Variants in PLEKHG6 observed in about 807,000 individuals in gnomAD.
PLEKHG6 encodes pleckstrin homology domain-containing family G member 6.
In PLEKHG6, 91 loss-of-function variants were observed where a neutral mutation model predicts 97.5. The ratio of observed to expected loss-of-function variants is 0.93; its 90% confidence interval spans 0.79 to 1.11. The LOEUF (loss-of-function observed/expected upper bound fraction) is 1.11, where lower values mean the gene tolerates loss of function less well. Among genes scored for constraint, PLEKHG6 ranks in the 50% most tolerant of loss-of-function variants. The probability of loss-of-function intolerance (pLI) is 0.00; values close to 1 mark genes in which losing one functional copy is unlikely to be tolerated. For synonymous variants in PLEKHG6, 466 were observed against 425.5 expected (o/e 1.10, Z -1.17); for missense variants, 1,044 against 1,031.0 (o/e 1.01, Z -0.17).
chr12:6,327,498 C>CCA lies in PLEKHG6; in HGVS notation c.1915_1916insCA (p.Gln639ProfsTer17). ...TCTGCGTCCCCACCCTCCCGACCCC[C>CCA]AAGCTCCTCAACGCCGAAGCGCCCC... On this transcript the variant is annotated frameshift_variant, in exon 15 of 16. Coordinates refer to ENST00000684764, the MANE Select transcript of PLEKHG6 (RefSeq NM_001384598.1). LOFTEE classifies it high-confidence loss of function. The CCA allele has an allele frequency of 6.2e-7, 1 of 1,609,924 alleles. No homozygotes were observed. Among genetic ancestry groups the CCA allele is most frequent in the Non-Finnish European group, 8.5e-7 (1 of 1,177,570 alleles).
rs568049575 is a variant in PLEKHG6, at chr12:6,317,416, G to T, written c.867+3G>T. ...CTCTCTTCCATGCCTTCGTGCAGGT[G>T]GGAGAAGGGGTGCTGGGGAGGGGGA... is the stretch of plus-strand genomic sequence containing the variant. On this transcript the variant is annotated splice_donor_region_variant and intron_variant, in intron 8 of 15. Coordinates refer to ENST00000684764, the MANE Select transcript of PLEKHG6 (RefSeq NM_001384598.1). 127 of 1,612,136 alleles carry T rather than the reference G, an allele frequency of 7.9e-5. No individual in the cohort carries two copies. In the East Asian group the frequency reaches 2.7e-3, roughly 35 times the overall value.
chr12:6,326,949 AAAG>A (rs1310389169), intron 14 of PLEKHG6, among the ~76,000 whole-genome samples: 1 of 152,128 alleles, frequency 6.6e-6, no homozygotes, highest in Non-Finnish European at 1.5e-5. Flanking sequence ...CTTAAGGAGA[AAAG>A]AAGAATCGAT....
rs1947522343 is a variant in PLEKHG6, at chr12:6,317,582, G to A, written c.903G>A (p.Met301Ile). ...CEKHKRSGRQ[M>I]LCDLLIKPHQ... ...AGCACAAGCGCTCTGGGAGGCAGAT[G>A]CTCTGTGACTTGCTTATCAAGCCCC... The change falls in exon 9 of 16, where the codon ATG (methionine) becomes ATA (isoleucine). Residue 301 changes from methionine to isoleucine, a missense_variant. By Grantham distance (10) the Met-to-Ile change is conservative (BLOSUM62 1). Coordinates refer to ENST00000684764, the MANE Select transcript of PLEKHG6 (RefSeq NM_001384598.1). 1 of 1,613,720 alleles carries A rather than the reference G, an allele frequency of 6.2e-7. No individual in the cohort carries two copies. The highest frequency in any genetic ancestry group is 8.5e-7 in the Non-Finnish European group (1 of 1,180,014).
At chr12:6,313,547 G>T (rs888498067) in intron 2 of PLEKHG6, 82 bp from the exon 3 acceptor site, 1 of 1,518,828 alleles carries the variant, frequency 6.6e-7, no homozygotes, top group Admixed American at 1.8e-5. Flanking sequence ...AACATCTAGA[G>T]CCAAGCCTGC....
At position 6,315,934 on chromosome 12, in the gene PLEKHG6, A is replaced by G. The variant is rs144724212; in HGVS notation, c.606+15A>G. On this transcript the variant is annotated intron_variant, in intron 6 of 15. Transcript: ENST00000684764. The surrounding 1 kb of genome is among the most constrained non-coding windows in gnomAD (Gnocchi z 4.5). Reference sequence around the variant, plus strand: ...TGCTGATGGAAGTGAGTGGGTGCTCAGGAGGGGACCCTGGCACAGCCCGAC... The same window carrying G: ...TGCTGATGGAAGTGAGTGGGTGCTCGGGAGGGGACCCTGGCACAGCCCGAC... 1,507 of 1,574,042 alleles carry G rather than the reference A, an allele frequency of 9.6e-4. 20 individuals carry two copies. In the African/African-American group the frequency reaches 0.018, roughly 18 times the overall value.
rs772726020 is a variant in PLEKHG6 at position 6,315,650 on chromosome 12, G to C, written c.555+1G>C. On this transcript the variant is annotated splice_donor_variant, in intron 5 of 15. Coordinates refer to ENST00000684764, the MANE Select transcript of PLEKHG6 (RefSeq NM_001384598.1). LOFTEE classifies it high-confidence loss of function. This position sits in a 1 kb window ranked among gnomAD's most constrained non-coding sequence, Gnocchi z 4.5. ...GAGAAAGCTCAAGATCATGACTGAT[G>C]TGAGCCCCCCTCAGCCCCAGCCCCG... is the stretch of plus-strand genomic sequence containing the variant. The C allele has an allele frequency of 1.9e-6, 3 of 1,571,770 alleles. No homozygotes were observed. The South Asian group carries it at 3.4e-5, about 18-fold the overall frequency.
chr12:6,312,260 C>A lies in PLEKHG6; in HGVS notation c.34C>A (p.Leu12Ile). The change falls in exon 2 of 16, where the codon CTC becomes ATC. Residue 12 changes from leucine (L) to isoleucine (I), a missense_variant. Transcript: ENST00000684764. ...KAFGPPHEGP[L>I]QGLVASRIET... ...CTTTGGTCCTCCACATGAGGGCCCCCTCCAAGGACTCGTGGCCTCCCGCAT... is the reference window on the plus strand; with the variant it reads ...CTTTGGTCCTCCACATGAGGGCCCCATCCAAGGACTCGTGGCCTCCCGCAT... The A allele has an allele frequency of 6.5e-7, 1 of 1,542,060 alleles. No homozygotes were observed.
chr12:6,325,768 A>G (rs1372458463), intron 13 of PLEKHG6, among the ~76,000 whole-genome samples: 1 of 152,184 alleles, frequency 6.6e-6, no homozygotes, highest in African/African-American at 2.4e-5. Context: ...AAGACCTGAT[A>G]ACAGGTCTGC....
chr12:6,312,088 G>T lies in PLEKHG6; in HGVS notation c.-68-71G>T, dbSNP rs573530618. On this transcript the variant is annotated intron_variant, in intron 1 of 15. Coordinates refer to ENST00000684764, the MANE Select transcript of PLEKHG6 (RefSeq NM_001384598.1). ...ACCCTCCCTCCCAGGCCCCCTACCAGCCTTGGTCTCCCGCCTGGTGCCATT... is the reference window on the plus strand; with the variant it reads ...ACCCTCCCTCCCAGGCCCCCTACCATCCTTGGTCTCCCGCCTGGTGCCATT... 411 of 634,958 alleles carry T rather than the reference G, an allele frequency of 6.5e-4. 6 individuals carry two copies. The South Asian group carries it at 0.01, about 16-fold the overall frequency. 39.3% of individuals were successfully genotyped at this position (634,958 alleles called of 1,614,324 possible).
chr12:6,318,505 G>C, intron 11 of PLEKHG6, 85 bp downstream of exon 11: 30 of 1,481,582 alleles, frequency 2.0e-5, no homozygotes, highest in Non-Finnish European at 2.7e-5. Flanking sequence ...GGAGAAGAGG[G>C]GTTTGGGGAA....
intron 2 of PLEKHG6, 50 bp from the exon 3 acceptor site, chr12:6,313,579 T>C (rs745329118): frequency 1.2e-6 from 2 of 1,605,084 alleles, no homozygotes; most frequent in Non-Finnish European, 1.7e-6. Flanking sequence ...CTCTCTGGGG[T>C]TTCTGGGGAA....
At chr12:6,327,145 T>C in intron 14 of PLEKHG6, 109 bp from the exon 15 acceptor site, 3 of 696,428 alleles carry the variant, frequency 4.3e-6, no homozygotes, top group Non-Finnish European at 7.6e-6. Context: ...GGAAAGATGA[T>C]ACCAAAATAA....
chr12:6,315,252 T>G lies in PLEKHG6; in HGVS notation c.459+83T>G. ...TCTGCTCTAGAGGAGGGAAAGGCCTTGGGAAGTGGGGTCATGTGGAAAAAA... is the reference window on the plus strand; with the variant it reads ...TCTGCTCTAGAGGAGGGAAAGGCCTGGGGAAGTGGGGTCATGTGGAAAAAA... On this transcript the variant is annotated intron_variant, in intron 4 of 15. Coordinates refer to ENST00000684764, the MANE Select transcript of PLEKHG6 (RefSeq NM_001384598.1). The surrounding 1 kb of genome is among the most constrained non-coding windows in gnomAD (Gnocchi z 4.5). The G allele has an allele frequency of 7.4e-7, 1 of 1,347,688 alleles. No homozygotes were observed. Among genetic ancestry groups the G allele is most frequent in the South Asian group, 1.4e-5 (1 of 72,270 alleles). The allele number at this position is 1,347,688 out of a possible 1,614,324, so 83.5% of individuals were successfully genotyped here. A position where few individuals can be genotyped will look rare whatever the true frequency, so the allele number is the denominator to read the frequency against.
Position 6,328,203 on chromosome 12 carries a change from G to C in PLEKHG6, c.*58G>C. 6.4e-7 allele frequency: 1 copy of C among 1,558,594 alleles called. No homozygotes were observed. The highest frequency in any genetic ancestry group is 8.8e-7 in the Non-Finnish European group (1 of 1,130,472). On this transcript the variant is annotated 3_prime_UTR_variant, in exon 16 of 16. Coordinates refer to ENST00000684764, the MANE Select transcript of PLEKHG6 (RefSeq NM_001384598.1). ...CCAGAGGAGATCTCTCCCCAGTAGTGCTGGTCACCCTCCGGCATCTGTGAC... is the reference window on the plus strand; with the variant it reads ...CCAGAGGAGATCTCTCCCCAGTAGTCCTGGTCACCCTCCGGCATCTGTGAC...
Position 6,327,514 on chromosome 12 carries a change from G to T in PLEKHG6, c.1931G>T (p.Arg644Leu), listed in dbSNP as rs761100925. Residue 644 changes from arginine (R) to leucine (L), a missense_variant, in exon 15 of 16, where the codon CGA becomes CTA. Coordinates refer to ENST00000684764, the MANE Select transcript of PLEKHG6 (RefSeq NM_001384598.1). ...CCCGACCCCCAAGCTCCTCAACGCC[G>T]AAGCGCCCCCGAACTGCCGGAAGGA... is the stretch of plus-strand genomic sequence containing the variant. The part of the protein sequence containing the change: ...HPPDPQAPQR[R>L]SAPELPEGIL... The T allele has an allele frequency of 3.8e-6, 4 of 1,045,790 alleles. No homozygotes were observed. In the East Asian group the frequency reaches 2.1e-4, roughly 55 times the overall value. The allele number at this position is 1,045,790 out of a possible 1,614,324, so 64.8% of individuals were successfully genotyped here.
Position 6,328,234 on chromosome 12 carries a change from C to T in PLEKHG6, c.*89C>T. 2 of 1,337,356 alleles carry T rather than the reference C, an allele frequency of 1.5e-6. No individual in the cohort carries two copies. Among genetic ancestry groups the T allele is most frequent in the Non-Finnish European group, 1.1e-6 (1 of 933,670 alleles). The allele number at this position is 1,337,356 out of a possible 1,614,324, so 82.8% of individuals were successfully genotyped here. A position where few individuals can be genotyped will look rare whatever the true frequency, so the allele number is the denominator to read the frequency against. Reference sequence around the variant, plus strand: ...CACCCTCCGGCATCTGTGACTCTACCTCAAGGACCACATTTCCCAAAGGAA... The same window carrying T: ...CACCCTCCGGCATCTGTGACTCTACTTCAAGGACCACATTTCCCAAAGGAA... On this transcript the variant is annotated 3_prime_UTR_variant, in exon 16 of 16. Transcript: ENST00000684764.
At chr12:6,321,154 G>A (rs1947688525) in intron 13 of PLEKHG6, among the ~76,000 whole-genome samples, 1 of 151,966 alleles carries the variant, frequency 6.6e-6, no homozygotes, top group Admixed American at 6.6e-5. Flanking sequence ...CAAGTAGCTG[G>A]GACTGCAGGT....
At chr12:6,312,679 G>C (rs1476638381) in intron 2 of PLEKHG6, 1 of 1,192,574 alleles carries the variant, frequency 8.4e-7, no homozygotes, top group Non-Finnish European at 1.0e-6. Flanking sequence ...CGCCTCCCAG[G>C]CTCCCGCCTC....
In PLEKHG6 at chr12:6,314,947, C is replaced by T. The variant is rs1947401804; in HGVS notation, c.295-58C>T. 8 of 1,542,624 alleles carry T rather than the reference C, an allele frequency of 5.2e-6. No individual in the cohort carries two copies. The Admixed American group carries it at 8.8e-5, about 17-fold the overall frequency. On this transcript the variant is annotated intron_variant, in intron 3 of 15. Transcript: ENST00000684764. Reference sequence around the variant, plus strand: ...GCACACACACACAGCCCTCCCGGGGCCCTGTGGCTGGGTGCCAAGGATGTG... The same window carrying T: ...GCACACACACACAGCCCTCCCGGGGTCCTGTGGCTGGGTGCCAAGGATGTG...
Sources: gnomAD v4.1 joint callset for allele counts (sites outside exome capture counted in the v4.1 genomes callset) on GRCh38, gnomAD v4.1.1 for gene constraint, Gnocchi (gnomAD v3.1) non-coding constraint, MANE v1.5 for transcripts, NCBI Gene and HGNC (gene_info 2026-07-23, HGNC 2026-07-21) for gene names.